Variants in SPATA22 observed in about 807,000 individuals in gnomAD.
SPATA22 encodes spermatogenesis-associated protein 22.
SPATA22 carries 29 observed loss-of-function variants against 47.8 expected under a neutral mutation model. The ratio of observed to expected loss-of-function variants is 0.61; its 90% CI spans 0.45 to 0.83. The LOEUF is 0.83. Among genes scored for constraint, SPATA22 ranks in the 40% least tolerant of loss-of-function variants. SPATA22 has a pLI of 0.00. For synonymous variants in SPATA22, 133 were observed against 140.9 expected (o/e 0.94, Z 0.40); for missense variants, 410 against 421.7 (o/e 0.97, Z 0.24).
At chr17:3,462,601 T>A in intron 4 of SPATA22, 23 bp from the exon 5 acceptor site, 1 of 1,599,872 alleles carries the variant, frequency 6.3e-7, no homozygotes. Context: ...TATGTCTTGT[T>A]AAATATTAAT....
chr17:3,449,809 T>C (rs1291794241), intron 5 of SPATA22, among the ~76,000 whole-genome samples: 1 of 152,152 alleles, frequency 6.6e-6, no homozygotes, highest in Non-Finnish European at 1.5e-5. Flanking sequence ...CTGAGCAGCC[T>C]AGTTAGGAGT....
chr17:3,459,260 G>C (rs903950754), intron 5 of SPATA22, among the ~76,000 whole-genome samples: 38 of 152,166 alleles, frequency 2.5e-4, no homozygotes, highest in African/African-American at 9.2e-4. Context: ...TCACTTAGAA[G>C]GTAGATCTTA....
rs2072870066 is a variant in SPATA22, at chr17:3,451,911, CACTCCAGCCTGGGCGACAGAGCGAG to C, written c.330-2787_330-2763del. Among the ~76,000 whole-genome samples, 8 of 150,408 alleles carry C rather than the reference CACTCCAGCCTGGGCGACAGAGCGAG, an allele frequency of 5.3e-5. No individual in the cohort carries two copies. In the South Asian group the frequency reaches 1.7e-3, roughly 32 times the overall value. On this transcript the variant is annotated intron_variant, in intron 5 of 8. Coordinates refer to ENST00000572969, the MANE Select transcript of SPATA22 (RefSeq NM_001170698.2). ...GCAGTGAGCCGAGATTGCACCACTG[CACTCCAGCCTGGGCGACAGAGCGAG>C]ACTCTGTCTCAATTAAAAAAAAAAA...
exon 1 of SPATA22, chr17:3,513,787 C>T (rs2074144219): frequency 1.4e-6 from 1 of 732,574 alleles, no homozygotes; most frequent in East Asian, 2.5e-5. Flanking sequence ...GCACTGAGCA[C>T]GAGGGTGCAC....
At chr17:3,443,116 C>T in intron 8 of SPATA22, 58 bp downstream of exon 8, 1 of 1,149,140 alleles carries the variant, frequency 8.7e-7, no homozygotes, top group African/African-American at 1.6e-5. Context: ...GAATTATAGC[C>T]TGCATGTTTA....
intron 7 of SPATA22, among the ~76,000 whole-genome samples, chr17:3,444,220 A>G (rs1218713039): frequency 6.6e-6 from 1 of 152,010 alleles, no homozygotes; most frequent in African/African-American, 2.4e-5. Flanking sequence ...TTTCTGCTAA[A>G]AAGACCCAGA....
In SPATA22 at chr17:3,467,514, G is replaced by A. The variant is rs2073343035; in HGVS notation, c.84C>T (p.Asn28=). The A allele has an allele frequency of 6.2e-7, 1 of 1,609,526 alleles. No homozygotes were observed. Among genetic ancestry groups the A allele is most frequent in the African/African-American group, 1.3e-5 (1 of 74,906 alleles). The change falls in exon 3 of 9, where the codon AAC becomes AAT. Residue 28 remains asparagine (N), a synonymous_variant. Transcript: ENST00000572969. ...GTGGATTAGAAGTTAATGGCTGTCT[G>A]TTCCTCTTTTTCTGATTGAACAACG... The part of the protein sequence containing the change: ...PVPLFNQKKR[N]RQPLTSNPLK...
chr17:3,497,853 A>C (rs1415310902), intron 1 of SPATA22, among the ~76,000 whole-genome samples: 1 of 151,790 alleles, frequency 6.6e-6, no homozygotes, highest in African/African-American at 2.4e-5. Flanking sequence ...CCCCACCCCC[A>C]ACCTATAGAA....
chr17:3,493,992 GTTA>G (rs2073868370), intron 1 of SPATA22, among the ~76,000 whole-genome samples: 1 of 150,800 alleles, frequency 6.6e-6, no homozygotes, highest in Admixed American at 6.6e-5. Flanking sequence ...TGTTGCTGTT[GTTA>G]TTATTGTTTC....
intron 3 of SPATA22, among the ~76,000 whole-genome samples, chr17:3,463,020 A>G (rs2073164596): frequency 6.6e-6 from 1 of 152,230 alleles, no homozygotes; most frequent in Admixed American, 6.5e-5. Flanking sequence ...CAGTTCTAGT[A>G]TAGTATCTTT....
At chr17:3,475,241 T>G (rs1371166543), upstream of SPATA22, among the ~76,000 whole-genome samples, 1 of 152,186 alleles carries the variant, frequency 6.6e-6, no homozygotes, top group East Asian at 1.9e-4. Flanking sequence ...AAATTTCCCC[T>G]AATAAGACCC....
intron 3 of SPATA22, among the ~76,000 whole-genome samples, chr17:3,465,922 T>C (rs1362358412): frequency 6.6e-6 from 1 of 151,564 alleles, no homozygotes; most frequent in Admixed American, 6.6e-5. Flanking sequence ...CCTTATGGAG[T>C]AGCTCAATTT....
intron 1 of SPATA22, among the ~76,000 whole-genome samples, chr17:3,486,533 A>G (rs140355305): frequency 9.5e-4 from 144 of 152,272 alleles, no homozygotes; most frequent in Non-Finnish European, 1.5e-3. Context: ...ACCTTCTGGT[A>G]ACTTCCAACA....
At chr17:3,444,339 T>C (rs2150695015) in intron 7 of SPATA22, among the ~76,000 whole-genome samples, 1 of 152,198 alleles carries the variant, frequency 6.6e-6, no homozygotes, top group East Asian at 1.9e-4. Flanking sequence ...CAGCATATTT[T>C]ATTACTCAAC....
At chr17:3,504,443 A>G (rs2074022276) in intron 1 of SPATA22, among the ~76,000 whole-genome samples, 1 of 151,584 alleles carries the variant, frequency 6.6e-6, no homozygotes, top group African/African-American at 2.4e-5. Flanking sequence ...CAAGTGAAAC[A>G]CTTCGTTTTA....
chr17:3,454,022 T>C (rs1182235209), intron 5 of SPATA22, among the ~76,000 whole-genome samples: 3 of 151,954 alleles, frequency 2.0e-5, no homozygotes, highest in Non-Finnish European at 4.4e-5. Flanking sequence ...ATGAATTCAG[T>C]AAAATTGCAG....
chr17:3,464,233 C>T (rs989047697), intron 3 of SPATA22, among the ~76,000 whole-genome samples: 1 of 151,954 alleles, frequency 6.6e-6, no homozygotes, highest in Non-Finnish European at 1.5e-5. Context: ...CCGCCAGCCT[C>T]GGCCTCCGGA....
At chr17:3,467,661 T>TTAGCATATAGAA in intron 2 of SPATA22, 107 bp from the exon 3 acceptor site, 4 of 776,854 alleles carry the variant, frequency 5.1e-6, no homozygotes, top group African/African-American at 1.8e-5. Flanking sequence ...TACTTCTATA[T>TTAGCATATAGAA]GCTAATATAC....
intron 1 of SPATA22, among the ~76,000 whole-genome samples, chr17:3,503,611 G>C (rs1183999095): frequency 6.6e-6 from 1 of 152,092 alleles, no homozygotes; most frequent in Admixed American, 6.5e-5. Flanking sequence ...TATCACTGTG[G>C]TTTCAGTGGG....
Sources: gnomAD v4.1 joint callset for allele counts (sites outside exome capture counted in the v4.1 genomes callset) on GRCh38, gnomAD v4.1.1 for gene constraint, MANE v1.5 for transcripts, NCBI Gene and HGNC (gene_info 2026-07-23, HGNC 2026-07-21) for gene names.